The following PIK3CB variants were observed in gnomAD, a reference collection of about 807,000 sequenced individuals.
PIK3CB encodes the protein phosphatidylinositol-4,5-bisphosphate 3-kinase catalytic subunit beta.
A neutral mutation model predicts 136.8 loss-of-function variants in PIK3CB; 39 were observed. The ratio of observed to expected loss-of-function variants is 0.29; its 90% CI spans 0.22 to 0.37. The LOEUF is 0.37. Among genes scored for constraint, PIK3CB ranks in the 10% least tolerant of loss-of-function variants. The pLI is 1.00. For missense variants in PIK3CB, 868 were observed against 1,275.4 expected (o/e 0.68, Z 4.87); for synonymous variants, 428 against 436.6 (o/e 0.98, Z 0.25).
At chr3:138,795,171 T>C (rs1354523781) in intron 2 of PIK3CB, among the ~76,000 whole-genome samples, 2 of 150,892 alleles carry the variant, frequency 1.3e-5, no homozygotes, top group Middle Eastern at 3.4e-3. Context: ...AATACAAAAA[T>C]TAGCCGACCA....
chr3:138,815,162 A>AAAAAAAAAT (rs1553743711), intron 1 of PIK3CB, among the ~76,000 whole-genome samples: 4 of 62,486 alleles, frequency 6.4e-5, no homozygotes, highest in African/African-American at 2.6e-4. Flanking sequence ...AAAAAAAAAA[A>AAAAAAAAAT]ATATATATAT....
intron 8 of PIK3CB, among the ~76,000 whole-genome samples, chr3:138,725,305 C>T (rs1024547708): frequency 2.6e-5 from 4 of 152,136 alleles, no homozygotes; most frequent in South Asian, 2.1e-4. Flanking sequence ...ATGACTAATA[C>T]GTGTGATACA....
Position 138,759,230 on chromosome 3 carries a change from A to G in PIK3CB, c.114T>C (p.Thr38=). Residue 38 remains threonine, a synonymous_variant, in exon 3 of 24, where the codon ACT becomes ACC. Transcript: ENST00000674063. The stretch of plus-strand genomic sequence containing the variant: ...GTACCTCCAACTGGATATAAATCCC[A>G]GTGGGCAAAAGGAAATCCACAGGTA... The part of the protein sequence containing the change: ...GSIPVDFLLP[T]GIYIQLEVPR... 1 of 1,612,516 alleles carries G rather than the reference A, an allele frequency of 6.2e-7. No individual in the cohort carries two copies. Among genetic ancestry groups the G allele is most frequent in the Non-Finnish European group, 8.5e-7 (1 of 1,178,718 alleles).
intron 2 of PIK3CB, among the ~76,000 whole-genome samples, chr3:138,779,388 CT>C (rs753018315): frequency 5.7e-4 from 64 of 112,032 alleles, no homozygotes; most frequent in East Asian, 2.7e-3. Context: ...GCCCGGCCTT[CT>C]TTTTTTTTTT....
chr3:138,790,533 G>A (rs937521414), intron 2 of PIK3CB, among the ~76,000 whole-genome samples: 29 of 151,128 alleles, frequency 1.9e-4, no homozygotes, highest in Admixed American at 9.9e-4. Flanking sequence ...GACCGGGCAC[G>A]GTGGCTCATG....
At chr3:138,682,897 C>T (rs2043809730) in intron 18 of PIK3CB, among the ~76,000 whole-genome samples, 1 of 152,128 alleles carries the variant, frequency 6.6e-6, no homozygotes, top group Non-Finnish European at 1.5e-5. Flanking sequence ...TGTTTGTAGT[C>T]ACATAACTAA....
intron 8 of PIK3CB, among the ~76,000 whole-genome samples, chr3:138,727,896 T>C (rs765781099): frequency 6.6e-6 from 1 of 152,192 alleles, no homozygotes; most frequent in Non-Finnish European, 1.5e-5. Flanking sequence ...TCGCTCTTGC[T>C]GCCCAGGCTG....
chr3:138,733,910 T>C (rs2045046017), intron 7 of PIK3CB, among the ~76,000 whole-genome samples: 1 of 152,054 alleles, frequency 6.6e-6, no homozygotes, highest in Non-Finnish European at 1.5e-5. Flanking sequence ...TTAAGCATTA[T>C]AACCCCTAGC....
At chr3:138,780,019 G>A (rs183681557) in intron 2 of PIK3CB, among the ~76,000 whole-genome samples, 55 of 151,910 alleles carry the variant, frequency 3.6e-4, no homozygotes, top group Non-Finnish European at 6.9e-4. Flanking sequence ...GTGCAGTGGC[G>A]AGACCTCAGC....
intron 2 of PIK3CB, among the ~76,000 whole-genome samples, chr3:138,775,604 A>G (rs1201410137): frequency 2.6e-5 from 4 of 152,160 alleles, no homozygotes; most frequent in African/African-American, 9.7e-5. Flanking sequence ...AGGCTATGTC[A>G]TCTAAAAAGT....
At chr3:138,678,810 T>C (rs2108468352) in intron 19 of PIK3CB, among the ~76,000 whole-genome samples, 1 of 152,202 alleles carries the variant, frequency 6.6e-6, no homozygotes, top group Admixed American at 6.5e-5. Flanking sequence ...CTAAAAGAAA[T>C]CAAACCTTGT....
At chr3:138,746,933 G>A (rs1034218827) in intron 4 of PIK3CB, among the ~76,000 whole-genome samples, 7 of 149,844 alleles carry the variant, frequency 4.7e-5, no homozygotes, top group Non-Finnish European at 8.9e-5. Context: ...CATAGCTGCG[G>A]CGACAGTTTC....
intron 3 of PIK3CB, 105 bp from the exon 4 acceptor site, chr3:138,756,084 G>A: frequency 2.0e-6 from 1 of 493,532 alleles, no homozygotes; most frequent in South Asian, 4.1e-5. Context: ...AAAAAACTAT[G>A]AACAAATCAA....
chr3:138,833,482 T>TA lies in PIK3CB; in HGVS notation c.-122+1212dup, dbSNP rs577991016. Among the ~76,000 whole-genome samples the TA allele has an allele frequency of 5.4e-4, 83 of 152,304 alleles. 1 individual carries two copies. The South Asian group carries it at 0.017, about 30-fold the overall frequency. On this transcript the variant is annotated intron_variant, in intron 1 of 23. Coordinates refer to ENST00000674063, the MANE Select transcript of PIK3CB (RefSeq NM_006219.3). Reference sequence around the variant, plus strand: ...GACTTAAACAGTTCTGCTTTTACCATAAAATCTTACAATGTAGCATAAAAA... The same window carrying TA: ...GACTTAAACAGTTCTGCTTTTACCATAAAAATCTTACAATGTAGCATAAAAA...
At chr3:138,757,478 AACACACACACACACACACACACACACAC>A in intron 3 of PIK3CB, among the ~76,000 whole-genome samples, 1 of 136,374 alleles carries the variant, frequency 7.3e-6, no homozygotes, top group East Asian at 2.1e-4. Flanking sequence ...GATACTATTA[AACACACACACACACACACACACACACAC>A]ACACACACAC....
rs1290799964 is a variant in PIK3CB at position 138,654,355 on chromosome 3, A to G, written c.*1034T>C. 9.0e-6 allele frequency: 2 copies of G among 223,022 alleles called. No individual in the cohort carries two copies. The highest frequency in any genetic ancestry group is 1.1e-4 in the Admixed American group (2 of 17,462). 13.8% of individuals were successfully genotyped at this position (223,022 alleles called of 1,614,324 possible). On this transcript the variant is annotated 3_prime_UTR_variant, in exon 24 of 24. Coordinates refer to ENST00000674063, the MANE Select transcript of PIK3CB (RefSeq NM_006219.3). ...CTTAAAGATTTCCGTGTGGCGTGAAACCATTTCAATTTGAACTAATATCCT... is the reference window on the plus strand; with the variant it reads ...CTTAAAGATTTCCGTGTGGCGTGAAGCCATTTCAATTTGAACTAATATCCT...
At chr3:138,715,609 C>T (rs141726287) in intron 8 of PIK3CB, among the ~76,000 whole-genome samples, 3 of 152,104 alleles carry the variant, frequency 2.0e-5, no homozygotes, top group East Asian at 3.9e-4. Context: ...AGAGTTACCA[C>T]GCCAATATTT....
intron 19 of PIK3CB, among the ~76,000 whole-genome samples, chr3:138,671,035 C>A (rs1254216830): frequency 3.3e-5 from 5 of 152,076 alleles, no homozygotes; most frequent in Admixed American, 3.3e-4. Flanking sequence ...ACATGTCTTA[C>A]CACATTATTT....
At chr3:138,826,972 G>A (rs1933812012) in intron 1 of PIK3CB, among the ~76,000 whole-genome samples, 1 of 152,152 alleles carries the variant, frequency 6.6e-6, no homozygotes, top group Non-Finnish European at 1.5e-5. Context: ...GGGAGGCTGA[G>A]GCAGGAGAAT....
Sources: allele counts gnomAD v4.1 joint callset (sites outside exome capture counted in the v4.1 genomes callset), GRCh38; gene constraint gnomAD v4.1.1; transcripts MANE v1.5; gene names NCBI Gene and HGNC (gene_info 2026-07-23, HGNC 2026-07-21).